CYP7B1: variants seen among roughly 807,000 people sequenced by gnomAD.
CYP7B1 encodes cytochrome P450 family 7 subfamily B member 1.
In CYP7B1, 29 loss-of-function variants were observed where a neutral mutation model predicts 42.7. The observed-to-expected ratio is 0.68, with a 90% CI of 0.51 to 0.93. The LOEUF is 0.93. Among genes scored for constraint, CYP7B1 ranks in the 40% least tolerant of loss-of-function variants. The pLI is 0.00. For missense variants in CYP7B1, 655 were observed against 600.5 expected, an observed-to-expected ratio of 1.09 and a Z score of -0.95; for synonymous variants, 235 against 218.2, an observed-to-expected ratio of 1.08 and a Z score of -0.68.
At chr8:64,733,993 T>A (rs1487751448) in intron 1 of CYP7B1, among the ~76,000 whole-genome samples, 1 of 151,816 alleles carries the variant, frequency 6.6e-6, no homozygotes, top group Non-Finnish European at 1.5e-5. Flanking sequence ...AAATTAAAAT[T>A]AAAAAAATAA....
intron 1 of CYP7B1, among the ~76,000 whole-genome samples, chr8:64,654,843 A>T (rs1806097761): frequency 6.6e-6 from 1 of 152,190 alleles, no homozygotes. Flanking sequence ...AATGGGACAG[A>T]ATAGAGAGTC....
At chr8:64,685,328 C>G (rs1259362924) in intron 1 of CYP7B1, among the ~76,000 whole-genome samples, 2 of 130,978 alleles carry the variant, frequency 1.5e-5, no homozygotes, top group Non-Finnish European at 3.3e-5. Flanking sequence ...GGCCGCCCAT[C>G]GTCTGGGATG....
intron 1 of CYP7B1, among the ~76,000 whole-genome samples, chr8:64,785,369 C>A (rs780122297): frequency 6.6e-5 from 10 of 152,156 alleles, no homozygotes; most frequent in Non-Finnish European, 1.3e-4. Flanking sequence ...CTTACCCAAA[C>A]GAGTTCAAAA....
intron 1 of CYP7B1, among the ~76,000 whole-genome samples, chr8:64,628,171 T>TA (rs1160971295): frequency 1.4e-4 from 22 of 152,312 alleles, no homozygotes; most frequent in African/African-American, 5.1e-4. Context: ...CATTACCGTT[T>TA]AAAAAACTAT....
chr8:64,735,096 G>T (rs1414093357), intron 1 of CYP7B1, among the ~76,000 whole-genome samples: 1 of 152,072 alleles, frequency 6.6e-6, no homozygotes, highest in African/African-American at 2.4e-5. Flanking sequence ...AGGACCCCTG[G>T]TCTAGACCAC....
chr8:64,752,395 CGTGTGTGTGT>C (rs5891973), intron 1 of CYP7B1, among the ~76,000 whole-genome samples: 1 of 148,178 alleles, frequency 6.7e-6, no homozygotes, highest in East Asian at 2.0e-4. Flanking sequence ...TGTGCATGTG[CGTGTGTGTGT>C]GTGTGTGTGT....
chr8:64,682,966 A>T (rs1423413167), intron 1 of CYP7B1, among the ~76,000 whole-genome samples: 2 of 152,220 alleles, frequency 1.3e-5, no homozygotes, highest in African/African-American at 4.8e-5. Context: ...GCTCAGGCCA[A>T]AAACCTTGAT....
chr8:64,722,740 CGGCG>C (rs1453057137), intron 1 of CYP7B1, among the ~76,000 whole-genome samples: 524 of 5,806 alleles, frequency 0.09, 79 homozygotes, highest in African/African-American at 0.23. Flanking sequence ...TGATTTTTTG[CGGCG>C]GGGGGGGGGG....
intron 1 of CYP7B1, among the ~76,000 whole-genome samples, chr8:64,628,904 C>T (rs987633701): frequency 2.6e-5 from 4 of 152,006 alleles, no homozygotes; most frequent in African/African-American, 9.7e-5. Flanking sequence ...TGACTAGTGA[C>T]CTATTGCACA....
intron 2 of CYP7B1, among the ~76,000 whole-genome samples, chr8:64,618,503 A>G (rs558269133): frequency 3.9e-4 from 60 of 152,132 alleles, no homozygotes; most frequent in Non-Finnish European, 4.0e-4. Flanking sequence ...GGCCTACTGA[A>G]GTAGAGGCTG....
chr8:64,662,094 T>G (rs1385929435), intron 1 of CYP7B1, among the ~76,000 whole-genome samples: 1 of 151,648 alleles, frequency 6.6e-6, no homozygotes, highest in Non-Finnish European at 1.5e-5. Flanking sequence ...TTTACCCCTA[T>G]AAAGATAATG....
At chr8:64,774,005 G>A (rs189989786) in intron 1 of CYP7B1, among the ~76,000 whole-genome samples, 1 of 152,238 alleles carries the variant, frequency 6.6e-6, no homozygotes, top group Non-Finnish European at 1.5e-5. Flanking sequence ...GACCTTTGGG[G>A]GATACATTCA....
chr8:64,609,418 C>T (rs1703211214), intron 4 of CYP7B1, among the ~76,000 whole-genome samples: 1 of 152,110 alleles, frequency 6.6e-6, no homozygotes, highest in Admixed American at 6.6e-5. Flanking sequence ...TGAAATTTTC[C>T]TCCTTTTAAT....
At chr8:64,601,129 T>C (rs1430416342) in intron 5 of CYP7B1, among the ~76,000 whole-genome samples, 1 of 152,190 alleles carries the variant, frequency 6.6e-6, no homozygotes, top group African/African-American at 2.4e-5. Context: ...AAATAATAAT[T>C]GGTACCACAA....
At chr8:64,711,559 C>G (rs1293865172) in intron 1 of CYP7B1, among the ~76,000 whole-genome samples, 1 of 152,172 alleles carries the variant, frequency 6.6e-6, no homozygotes, top group Non-Finnish European at 1.5e-5. Context: ...GAAAAGAATT[C>G]CCTATGTGCA....
At position 64,591,630 on chromosome 8, in the gene CYP7B1, C is replaced by T. The variant is rs972098083; in HGVS notation, c.*5012G>A. ...GATTTTCAGTATGGAAGCTCCTTTG[C>T]CTTAGACTTGTGACCCAAAACTTAA... On this transcript the variant is annotated 3_prime_UTR_variant, in exon 6 of 6. Coordinates refer to ENST00000310193, the MANE Select transcript of CYP7B1 (RefSeq NM_004820.5). 1.3e-5 allele frequency among the ~76,000 whole-genome samples: 2 copies of T among 152,002 alleles called. No homozygotes were observed. Among genetic ancestry groups the T allele is most frequent in the Admixed American group, 1.3e-4 (2 of 15,254 alleles).
chr8:64,775,486 T>C (rs890896218), intron 1 of CYP7B1, among the ~76,000 whole-genome samples: 19 of 152,194 alleles, frequency 1.2e-4, no homozygotes, highest in African/African-American at 4.3e-4. Flanking sequence ...TATTTAAGGA[T>C]AGTTCTTTCC....
At chr8:64,645,349 A>G (rs1327765440) in intron 1 of CYP7B1, among the ~76,000 whole-genome samples, 1 of 152,108 alleles carries the variant, frequency 6.6e-6, no homozygotes, top group Non-Finnish European at 1.5e-5. Flanking sequence ...GACTTCCACA[A>G]TGGTTGAACT....
At chr8:64,663,484 G>A (rs769235325) in intron 1 of CYP7B1, among the ~76,000 whole-genome samples, 2 of 152,172 alleles carry the variant, frequency 1.3e-5, no homozygotes, top group Non-Finnish European at 2.9e-5. Context: ...CCTGAAATAT[G>A]GTTTGCCATG....
Sources: allele counts gnomAD v4.1 joint callset (sites outside exome capture counted in the v4.1 genomes callset), GRCh38; gene constraint gnomAD v4.1.1; transcripts MANE v1.5; gene names NCBI Gene and HGNC (gene_info 2026-07-23, HGNC 2026-07-21).